PDIA3: variants seen among roughly 807,000 people sequenced by gnomAD.
PDIA3 encodes the protein protein disulfide-isomerase A3.
In PDIA3, 16 loss-of-function variants were observed where a neutral mutation model predicts 56.9. The ratio of observed to expected loss-of-function variants is 0.28; its 90% CI spans 0.19 to 0.43. PDIA3 has a LOEUF of 0.43. Among genes scored for constraint, PDIA3 ranks in the 20% least tolerant of loss-of-function variants. PDIA3 has a pLI of 1.00. For missense variants in PDIA3, 485 were observed against 621.3 expected (o/e 0.78, Z 2.33); for synonymous variants, 192 against 216.5 (o/e 0.89, Z 0.99).
At chr15:43,746,782 C>T (rs2086709193) in intron 1 of PDIA3, 76 bp downstream of exon 1, 11 of 1,499,654 alleles carry the variant, frequency 7.3e-6, no homozygotes, top group Admixed American at 1.7e-5. Flanking sequence ...ACTGTTGGGC[C>T]TACGCAGCGC....
chr15:43,771,645 C>T lies in PDIA3; in HGVS notation c.*427C>T. 2.5e-6 allele frequency: 1 copy of T among 405,966 alleles called. No individual in the cohort carries two copies. Among genetic ancestry groups the T allele is most frequent in the Non-Finnish European group, 4.3e-6 (1 of 230,830 alleles). 25.1% of individuals were successfully genotyped at this position (405,966 alleles called of 1,614,324 possible). ...GAAATGCTCTGTAATCTACACTGTT[C>T]AGTACAGGTAGCTACGGAGCATCTG... On this transcript the variant is annotated 3_prime_UTR_variant, in exon 13 of 13. Transcript: ENST00000300289.
intron 1 of PDIA3, among the ~76,000 whole-genome samples, chr15:43,749,116 C>T (rs2086727153): frequency 6.6e-6 from 1 of 150,822 alleles, no homozygotes; most frequent in African/African-American, 2.4e-5. Context: ...GTTTTTGAGA[C>T]AGAGTCTTGC....
rs1294654588 is a variant in PDIA3 at position 43,773,224 on chromosome 15, C to T, written c.*2006C>T. 2 of 1,613,796 alleles carry T rather than the reference C, an allele frequency of 1.2e-6. No individual in the cohort carries two copies. The stretch of plus-strand genomic sequence containing the variant: ...GCTTTTCTTCTCTGTAACTTGGGTA[C>T]TGCTGCAGAGAAAAAGCATCCATGT... On this transcript the variant is annotated 3_prime_UTR_variant, in exon 13 of 13. Transcript: ENST00000300289.
At chr15:43,751,521 G>A (rs1468738584) in intron 1 of PDIA3, 1 of 1,051,752 alleles carries the variant, frequency 9.5e-7, no homozygotes, top group East Asian at 6.1e-5. Context: ...GGTGAAAGAA[G>A]TAGTGGTTAA....
At position 43,765,991 on chromosome 15, in the gene PDIA3, G is replaced by T. The variant is rs753285798; in HGVS notation, c.824G>T (p.Gly275Val). Residue 275 changes from glycine to valine, a missense_variant, in exon 7 of 13, where the codon GGT (glycine) becomes GTT (valine). Gly to Val is a moderately radical substitution (Grantham distance 109, BLOSUM62 -3). Transcript: ENST00000300289. ...GTGGACTATGAAAAGAACGCTAAAG[G>T]TTCCAACTACTGGAGAAACAGGTAA... ...YDVDYEKNAKGSNYWRNRVMM... is the reference protein window; with the variant it reads ...YDVDYEKNAKVSNYWRNRVMM... 13 of 1,613,442 alleles carry T rather than the reference G, an allele frequency of 8.1e-6. No individual in the cohort carries two copies. The highest frequency in any genetic ancestry group is 3.3e-5 in the South Asian group (3 of 91,014).
chr15:43,770,234 C>T lies in PDIA3; in HGVS notation c.1267-16C>T, dbSNP rs753771475. ...GAAAACTTGAAATGTAAACATTTAA[C>T]CTGTTTTATTAACAGCTCAGCAAAG... On this transcript the variant is annotated splice_polypyrimidine_tract_variant and intron_variant, in intron 10 of 12. Coordinates refer to ENST00000300289, the MANE Select transcript of PDIA3 (RefSeq NM_005313.5). The T allele has an allele frequency of 1.4e-5, 22 of 1,601,970 alleles. No individual in the cohort carries two copies. Among genetic ancestry groups the T allele is most frequent in the South Asian group, 4.4e-5 (4 of 90,730 alleles).
At chr15:43,756,560 A>G in intron 2 of PDIA3, 89 bp from the exon 3 acceptor site, 1 of 791,184 alleles carries the variant, frequency 1.3e-6, no homozygotes, top group Non-Finnish European at 2.2e-6. Context: ...TCCCCTTAGG[A>G]TTTGACCAAT....
chr15:43,749,372 C>T (rs1353360304), intron 1 of PDIA3, among the ~76,000 whole-genome samples: 5 of 152,192 alleles, frequency 3.3e-5, no homozygotes, highest in East Asian at 1.9e-4. Flanking sequence ...TACAGGCGTG[C>T]GCCACCTAGC....
chr15:43,747,573 T>TTG (rs541025785), intron 1 of PDIA3, among the ~76,000 whole-genome samples: 1,680 of 151,510 alleles, frequency 0.011, 13 homozygotes, highest in Non-Finnish European at 0.02. Flanking sequence ...TTTTTTTTAT[T>TTG]TGTGTGTGTG....
At position 43,771,302 on chromosome 15, in the gene PDIA3, A is replaced by T. The variant is rs1185481762; in HGVS notation, c.*84A>T. 1 of 795,068 alleles carries T rather than the reference A, an allele frequency of 1.3e-6. No homozygotes were observed. Among genetic ancestry groups the T allele is most frequent in the African/African-American group, 1.8e-5 (1 of 57,070 alleles). 49.3% of individuals were successfully genotyped at this position (795,068 alleles called of 1,614,324 possible). On this transcript the variant is annotated 3_prime_UTR_variant, in exon 13 of 13. Transcript: ENST00000300289. The stretch of plus-strand genomic sequence containing the variant: ...TGGGGAGGACTAGGACCCATATGGG[A>T]ATTATTACCTCTCAGGGCCGAGAGG...
chr15:43,748,317 A>G (rs1041365702), intron 1 of PDIA3, among the ~76,000 whole-genome samples: 1 of 152,124 alleles, frequency 6.6e-6, no homozygotes, highest in African/African-American at 2.4e-5. Context: ...CGTCTCTACT[A>G]AAAATACGAA....
At chr15:43,761,338 C>G in intron 3 of PDIA3, 86 bp from the exon 4 acceptor site, 1 of 688,962 alleles carries the variant, frequency 1.5e-6, no homozygotes, top group Non-Finnish European at 2.5e-6. Flanking sequence ...CCCTTTTGTA[C>G]CTTCTGAATT....
intron 1 of PDIA3, chr15:43,751,556 C>T: frequency 6.9e-6 from 9 of 1,295,446 alleles, no homozygotes; most frequent in Non-Finnish European, 9.2e-6. Flanking sequence ...TGTTAACCAA[C>T]CCTGATTTCC....
chr15:43,768,360 G>A, intron 8 of PDIA3, 129 bp from the exon 9 acceptor site: 2 of 617,198 alleles, frequency 3.2e-6, no homozygotes, highest in Non-Finnish European at 6.0e-6. Context: ...TCTGCATATT[G>A]AGAGATGAGA....
intron 10 of PDIA3, among the ~76,000 whole-genome samples, 175 bp downstream of exon 10, chr15:43,769,821 C>T (rs2086870576): frequency 6.6e-6 from 1 of 152,150 alleles, no homozygotes; most frequent in South Asian, 2.1e-4. Context: ...CTGTGCAGTG[C>T]CTGAGATACC....
intron 1 of PDIA3, among the ~76,000 whole-genome samples, chr15:43,748,649 T>A (rs952720669): frequency 1.3e-5 from 2 of 152,224 alleles, no homozygotes; most frequent in African/African-American, 4.8e-5. Flanking sequence ...GAAAAAGTCA[T>A]CCTCCACAAT....
At chr15:43,765,205 C>A (rs2086840284) in intron 5 of PDIA3, among the ~76,000 whole-genome samples, 1 of 152,000 alleles carries the variant, frequency 6.6e-6, no homozygotes. Context: ...ATGAGACCCC[C>A]ATCTCTACAA....
rs1011440080 is a variant in PDIA3 at position 43,766,882 on chromosome 15, G to A, written c.1000G>A (p.Glu334Lys). The A allele has an allele frequency of 6.2e-7, 1 of 1,614,200 alleles. No individual in the cohort carries two copies. Among genetic ancestry groups the A allele is most frequent in the Non-Finnish European group, 8.5e-7 (1 of 1,180,030 alleles). Reference sequence around the variant, plus strand: ...TGTTGCTATCAGAACTGCTAAAGGAGAGAAGTTTGTCATGCAGGAGGAGTT... The same window carrying A: ...TGTTGCTATCAGAACTGCTAAAGGAAAGAAGTTTGTCATGCAGGAGGAGTT... ...PVVAIRTAKG[E>K]KFVMQEEFSR... Residue 334 changes from glutamate to lysine, a missense_variant, in exon 8 of 13, where the codon GAG becomes AAG. By Grantham distance (56) the Glu-to-Lys change is moderately conservative. Transcript: ENST00000300289.
intron 1 of PDIA3, chr15:43,751,713 A>G (rs1341580480): frequency 7.7e-7 from 1 of 1,301,962 alleles, no homozygotes; most frequent in Non-Finnish European, 1.0e-6. Flanking sequence ...CTTGCAGCTT[A>G]CACACACACC....
Sources: allele counts gnomAD v4.1 joint callset (sites outside exome capture counted in the v4.1 genomes callset), GRCh38; gene constraint gnomAD v4.1.1; transcripts MANE v1.5; gene names NCBI Gene and HGNC (gene_info 2026-07-23, HGNC 2026-07-21).